The following DNAH9 variants were observed in gnomAD, a reference collection of about 807,000 sequenced individuals.
DNAH9 encodes the protein DNAH9 variant protein.
In DNAH9, 345 loss-of-function variants were observed where a neutral mutation model predicts 471.6. The ratio of observed to expected loss-of-function variants is 0.73; its 90% CI spans 0.67 to 0.80. The LOEUF (loss-of-function observed/expected upper bound fraction) is 0.80. Among genes scored for constraint, DNAH9 ranks in the 30% least tolerant of loss-of-function variants. The probability of loss-of-function intolerance (pLI) is 0.00; values close to 1 mark genes in which losing one functional copy is unlikely to be tolerated. For missense variants in DNAH9, 5,407 were observed against 5,609.2 expected, an observed-to-expected ratio of 0.96 and a Z score of 1.15; for synonymous variants, 2,093 against 2,123.6, an observed-to-expected ratio of 0.99 and a Z score of 0.40.
In DNAH9 at chr17:11,656,357, ATCT is replaced by A. The variant is rs1422076653; in HGVS notation, c.2595+3360_2595+3362del. Among the ~76,000 whole-genome samples the A allele has an allele frequency of 6.6e-5, 10 of 152,126 alleles. No homozygotes were observed. In the East Asian group the frequency reaches 1.9e-3, roughly 29 times the overall value. On this transcript the variant is annotated intron_variant, in intron 14 of 68. Transcript: ENST00000262442. ...TCATATATTTGTTGGCCATTTGTTT[ATCT>A]TCTTTTGAGAATTGTCTATTCGCAT...
At chr17:11,673,606 T>TTG (rs939229745) in intron 17 of DNAH9, among the ~76,000 whole-genome samples, 1 of 151,622 alleles carries the variant, frequency 6.6e-6, no homozygotes, top group African/African-American at 2.4e-5. Flanking sequence ...TATTTGTTTT[T>TTG]TTTTTTTTTT....
chr17:11,826,879 C>T (rs1398041858), intron 48 of DNAH9, among the ~76,000 whole-genome samples: 1 of 134,116 alleles, frequency 7.5e-6, no homozygotes, highest in Non-Finnish European at 1.5e-5. Flanking sequence ...GGCTGGAGTA[C>T]AGTGGTGCAA....
chr17:11,705,134 A>T lies in DNAH9; in HGVS notation c.5501A>T (p.Tyr1834Phe), dbSNP rs761462101. The change falls in exon 26 of 69, where the codon TAT (tyrosine) becomes TTT (phenylalanine). Residue 1834 changes from tyrosine to phenylalanine, a missense_variant. Around this residue, in one of 3 missense-constraint regions of DNAH9, gnomAD observed 4,636 missense variants for 4,900.3 expected, o/e 0.95. Transcript: ENST00000262442. ...TGTGATGCCCAGTTTTTGTATTCCT[A>T]TGAGTACCTGGGAAACACACCTCGC... ...NICDAQFLYSYEYLGNTPRLV... is the reference protein window; with the variant it reads ...NICDAQFLYSFEYLGNTPRLV... 3 of 1,614,010 alleles carry T rather than the reference A, an allele frequency of 1.9e-6. No homozygotes were observed. The African/African-American group carries it at 4.0e-5, about 22-fold the overall frequency.
intron 43 of DNAH9, among the ~76,000 whole-genome samples, chr17:11,798,414 C>T (rs1969329850): frequency 9.4e-6 from 1 of 106,490 alleles, no homozygotes; most frequent in African/African-American, 3.8e-5. Context: ...GCCTGGGCGA[C>T]AGAGCAAGAC....
chr17:11,817,064 AAAT>A (rs575103483), intron 45 of DNAH9, among the ~76,000 whole-genome samples: 21 of 151,766 alleles, frequency 1.4e-4, no homozygotes, highest in African/African-American at 2.9e-4. Context: ...TCAAAAAAAA[AAAT>A]AATAATAATA....
intron 42 of DNAH9, among the ~76,000 whole-genome samples, chr17:11,794,151 T>C (rs1381954781): frequency 6.7e-6 from 1 of 150,096 alleles, no homozygotes; most frequent in African/African-American, 2.5e-5. Context: ...TTCATGCCAT[T>C]CTCCTGCCTC....
At chr17:11,899,942 TGTG>T (rs1973350858) in intron 59 of DNAH9, among the ~76,000 whole-genome samples, 1 of 152,114 alleles carries the variant, frequency 6.6e-6, no homozygotes, top group South Asian at 2.1e-4. Flanking sequence ...CTCACAGTCT[TGTG>T]GGAGTAACAG....
intron 51 of DNAH9, among the ~76,000 whole-genome samples, 158 bp downstream of exon 51, chr17:11,869,411 G>A (rs1196023185): frequency 7.9e-5 from 12 of 152,228 alleles, no homozygotes; most frequent in Non-Finnish European, 1.6e-4. Flanking sequence ...TGAGGAAAAT[G>A]TGGATGCATA....
intron 26 of DNAH9, among the ~76,000 whole-genome samples, chr17:11,707,260 A>T (rs1362019997): frequency 1.3e-5 from 2 of 152,240 alleles, no homozygotes; most frequent in African/African-American, 4.8e-5. Context: ...AGAGATTGTC[A>T]GAAATTGTGA....
At chr17:11,899,954 A>G (rs1420994932) in intron 59 of DNAH9, among the ~76,000 whole-genome samples, 1 of 152,202 alleles carries the variant, frequency 6.6e-6, no homozygotes, top group Non-Finnish European at 1.5e-5. Flanking sequence ...TGGGAGTAAC[A>G]GGCAAGTAAA....
At chr17:11,924,261 G>C (rs1036333079) in intron 62 of DNAH9, among the ~76,000 whole-genome samples, 1 of 152,168 alleles carries the variant, frequency 6.6e-6, no homozygotes, top group African/African-American at 2.4e-5. Flanking sequence ...CTGGCAGCTG[G>C]ATGCTTTCAA....
At chr17:11,728,018 G>A (rs73292624) in intron 28 of DNAH9, 96 bp downstream of exon 28, 144 of 784,718 alleles carry the variant, frequency 1.8e-4, no homozygotes, top group East Asian at 3.9e-4. Context: ...GAGCATCTAC[G>A]TCCCTTTTTC....
intron 36 of DNAH9, among the ~76,000 whole-genome samples, chr17:11,764,769 CAACAAT>C (rs756657009): frequency 1.1e-4 from 16 of 151,594 alleles, no homozygotes; most frequent in African/African-American, 3.1e-4. Flanking sequence ...TAGCACAAAA[CAACAAT>C]AACAATAACA....
intron 22 of DNAH9, among the ~76,000 whole-genome samples, chr17:11,697,995 T>C (rs2074505546): frequency 6.7e-6 from 1 of 149,042 alleles, no homozygotes; most frequent in Non-Finnish European, 1.5e-5. Flanking sequence ...TTAAAAAATG[T>C]TATATACAAT....
intron 56 of DNAH9, among the ~76,000 whole-genome samples, chr17:11,885,715 G>A (rs148694381): frequency 6.8e-4 from 103 of 152,250 alleles, no homozygotes; most frequent in African/African-American, 2.2e-3. Context: ...TTAATGGTGA[G>A]TTTGTTCAGT....
Position 11,887,689 on chromosome 17 carries a change from G to C in DNAH9, c.11112+724G>C, listed in dbSNP as rs538340528. ...CATATACACACAGAGAAACAGGAGA[G>C]AGAGACCATATGTATATAGACACAT... On this transcript the variant is annotated intron_variant, in intron 57 of 68. Coordinates refer to ENST00000262442, the MANE Select transcript of DNAH9 (RefSeq NM_001372.4). Among the ~76,000 whole-genome samples, 3 of 152,160 alleles carry C rather than the reference G, an allele frequency of 2.0e-5. No individual in the cohort carries two copies. The East Asian group carries it at 5.8e-4, about 29-fold the overall frequency.
chr17:11,685,121 A>G (rs1346895709), intron 19 of DNAH9, among the ~76,000 whole-genome samples: 1 of 152,164 alleles, frequency 6.6e-6, no homozygotes, highest in African/African-American at 2.4e-5. Context: ...AATTTCAAAA[A>G]TGAGCAATAA....
At chr17:11,697,274 T>A (rs2074493468) in intron 22 of DNAH9, among the ~76,000 whole-genome samples, 1 of 152,194 alleles carries the variant, frequency 6.6e-6, no homozygotes, top group African/African-American at 2.4e-5. Flanking sequence ...TATCTGTGAC[T>A]CTGTCATTTC....
intron 51 of DNAH9, 72 bp from the exon 52 acceptor site, chr17:11,871,526 C>CATG: frequency 1.4e-6 from 2 of 1,421,056 alleles, no homozygotes; most frequent in Non-Finnish European, 2.0e-6. Flanking sequence ...GGGCGCTCTC[C>CATG]ATGATGGAAT....
Sources: gnomAD v4.1 joint callset for allele counts (sites outside exome capture counted in the v4.1 genomes callset) on GRCh38, gnomAD v4.1.1 for gene constraint, gnomAD v4.1.1 regional missense constraint, MANE v1.5 for transcripts, NCBI Gene and HGNC (gene_info 2026-07-23, HGNC 2026-07-21) for gene names.